Variants in NRXN1 observed in about 807,000 individuals in gnomAD.
NRXN1 encodes neurexin-1.
In NRXN1, 39 loss-of-function variants were observed where a neutral mutation model predicts 150.9. The ratio of observed to expected loss-of-function variants is 0.26; its 90% CI spans 0.20 to 0.34. The LOEUF (loss-of-function observed/expected upper bound fraction) is 0.34, where lower values mean the gene tolerates loss of function less well. Among genes scored for constraint, NRXN1 ranks in the 10% least tolerant of loss-of-function variants. The pLI is 1.00. For missense variants in NRXN1, 1,815 were observed against 1,949.9 expected (o/e 0.93, Z 1.30); for synonymous variants, 924 against 757.0 (o/e 1.22, Z -3.62).
At chr2:50,320,026 C>G (rs1454437821) in intron 17 of NRXN1, among the ~76,000 whole-genome samples, 1 of 151,588 alleles carries the variant, frequency 6.6e-6, no homozygotes, top group African/African-American at 2.4e-5. Flanking sequence ...ACAGTGTTAT[C>G]GAAACCTAAC....
At chr2:50,009,754 C>G (rs1383677512) in intron 21 of NRXN1, among the ~76,000 whole-genome samples, 1 of 152,114 alleles carries the variant, frequency 6.6e-6, no homozygotes, top group East Asian at 1.9e-4. Context: ...CAAGTTCTCC[C>G]TTACAGTAAA....
intron 17 of NRXN1, among the ~76,000 whole-genome samples, chr2:50,244,773 A>T (rs1258271825): frequency 1.3e-5 from 2 of 151,854 alleles, no homozygotes; most frequent in African/African-American, 4.8e-5. Flanking sequence ...TTTTCTAACC[A>T]TAAAGAAATG....
At chr2:50,765,971 G>A (rs1298565872) in intron 5 of NRXN1, among the ~76,000 whole-genome samples, 1 of 151,942 alleles carries the variant, frequency 6.6e-6, no homozygotes, top group African/African-American at 2.4e-5. Context: ...ATGCCTAGAA[G>A]AGAAAGCAAA....
At position 50,819,132 on chromosome 2, in the gene NRXN1, T is replaced by A. The variant is rs908133239; in HGVS notation, c.832+102737A>T. On this transcript the variant is annotated intron_variant, in intron 5 of 22. Transcript: ENST00000401669. ...ACAGTATGGAGGTTCCTCAAACAAT[T>A]AAAAATAGAACTACCATATGATTCA... is the stretch of plus-strand genomic sequence containing the variant. 2.4e-4 allele frequency among the ~76,000 whole-genome samples: 37 copies of A among 152,044 alleles called. 1 individual carries two copies. Among genetic ancestry groups the A allele is most frequent in the Non-Finnish European group, 3.2e-4 (22 of 67,988 alleles).
chr2:50,353,503 T>G (rs2078571856), intron 17 of NRXN1, among the ~76,000 whole-genome samples: 1 of 152,128 alleles, frequency 6.6e-6, no homozygotes, highest in Non-Finnish European at 1.5e-5. Flanking sequence ...TTCATTGTTT[T>G]TATTCATGTG....
chr2:50,985,446 T>C (rs1697541205), intron 2 of NRXN1: 1 of 151,790 alleles, frequency 6.6e-6, no homozygotes, highest in East Asian at 1.9e-4. Context: ...TATGGAGAGA[T>C]GGCTTCAAGC....
chr2:50,564,365 G>A (rs1428443557), intron 8 of NRXN1, among the ~76,000 whole-genome samples: 2 of 152,070 alleles, frequency 1.3e-5, no homozygotes, highest in Admixed American at 6.6e-5. Context: ...ATTAGTAAGT[G>A]ACTACTATTG....
intron 5 of NRXN1, among the ~76,000 whole-genome samples, chr2:50,903,510 G>T (rs73930225): frequency 0.087 from 13,177 of 151,812 alleles, 645 homozygotes; most frequent in South Asian, 0.12. Flanking sequence ...TTTTTGTTTT[G>T]GTTTTTGTTT....
chr2:50,668,486 G>A (rs953892264), intron 5 of NRXN1, among the ~76,000 whole-genome samples: 1 of 151,984 alleles, frequency 6.6e-6, no homozygotes, highest in Non-Finnish European at 1.5e-5. Flanking sequence ...AGAAGAAAAT[G>A]CATTGATTAT....
intron 8 of NRXN1, among the ~76,000 whole-genome samples, chr2:50,565,846 C>G (rs1459005166): frequency 6.6e-6 from 1 of 152,136 alleles, no homozygotes; most frequent in Non-Finnish European, 1.5e-5. Flanking sequence ...CTTGGCCAGA[C>G]CATGTCCCAG....
rs571457690 is a variant in NRXN1, at chr2:50,919,691, G to C, written c.832+2178C>G. 2.0e-5 allele frequency: 3 copies of C among 152,626 alleles called. No individual in the cohort carries two copies. The East Asian group carries it at 5.8e-4, about 30-fold the overall frequency. The allele number at this position is 152,626 out of a possible 1,614,324, so 9.5% of individuals were successfully genotyped here. A position where few individuals can be genotyped will look rare whatever the true frequency, so the allele number is the denominator to read the frequency against. ...TGTCCAGACTTAACCCCGATTTTAT[G>C]CACAACTAGGATTTAACTCCACATA... On this transcript the variant is annotated intron_variant, in intron 5 of 22. Transcript: ENST00000401669.
intron 17 of NRXN1, among the ~76,000 whole-genome samples, chr2:50,288,041 C>G (rs139581257): frequency 2.1e-3 from 317 of 152,118 alleles, no homozygotes; most frequent in African/African-American, 7.3e-3. Context: ...TGATGCACAA[C>G]CTAAATACAT....
intron 18 of NRXN1, among the ~76,000 whole-genome samples, chr2:50,218,451 C>T (rs1334429824): frequency 2.0e-5 from 3 of 150,930 alleles, no homozygotes; most frequent in African/African-American, 7.3e-5. Context: ...TCACATTCTA[C>T]TGGAGATTTG....
intron 17 of NRXN1, among the ~76,000 whole-genome samples, chr2:50,373,075 C>A (rs924202790): frequency 2.0e-5 from 3 of 152,014 alleles, no homozygotes; most frequent in Admixed American, 1.3e-4. Context: ...CAATTTTCTG[C>A]AAATCTCTAC....
intron 5 of NRXN1, among the ~76,000 whole-genome samples, chr2:50,898,947 T>C (rs1165562318): frequency 6.6e-6 from 1 of 151,374 alleles, no homozygotes; most frequent in African/African-American, 2.4e-5. Flanking sequence ...TGCCGACAGA[T>C]TAAAAATTAT....
intron 17 of NRXN1, among the ~76,000 whole-genome samples, chr2:50,261,300 T>G (rs1367809259): frequency 3.3e-5 from 5 of 151,838 alleles, no homozygotes; most frequent in Non-Finnish European, 7.4e-5. Context: ...ATTTAATTAT[T>G]TTTCCCAGAC....
At chr2:50,003,457 C>G (rs939837257) in intron 21 of NRXN1, among the ~76,000 whole-genome samples, 1 of 152,084 alleles carries the variant, frequency 6.6e-6, no homozygotes, top group Admixed American at 6.6e-5. Context: ...AAATGAGTGT[C>G]TAATCTTGTC....
intron 17 of NRXN1, among the ~76,000 whole-genome samples, chr2:50,436,282 C>T (rs1484823176): frequency 2.0e-5 from 3 of 151,948 alleles, no homozygotes; most frequent in African/African-American, 4.8e-5. Flanking sequence ...GGAAAAACCG[C>T]GTCTCTACTA....
intron 5 of NRXN1, among the ~76,000 whole-genome samples, chr2:50,868,166 T>C: frequency 1.3e-5 from 1 of 77,756 alleles, no homozygotes; most frequent in South Asian, 5.2e-4. Flanking sequence ...TATATATATA[T>C]ATATATATAT....
Sources: allele counts gnomAD v4.1 joint callset (sites outside exome capture counted in the v4.1 genomes callset), GRCh38; gene constraint gnomAD v4.1.1; transcripts MANE v1.5; gene names NCBI Gene and HGNC (gene_info 2026-07-23, HGNC 2026-07-21).